Variants in CCDC146 observed in about 807,000 individuals in gnomAD.
CCDC146 encodes coiled-coil domain containing 146.
CCDC146 carries 92 observed loss-of-function variants against 119.3 expected under a neutral mutation model. That is an observed-to-expected ratio of 0.77 (90% CI 0.65 to 0.92). The LOEUF (loss-of-function observed/expected upper bound fraction) is 0.92, where lower values mean the gene tolerates loss of function less well. Among genes scored for constraint, CCDC146 ranks in the 40% least tolerant of loss-of-function variants. CCDC146 has a pLI of 0.00. For missense variants in CCDC146, 1,000 were observed against 1,103.0 expected (o/e 0.91, Z 1.32); for synonymous variants, 372 against 371.8 (o/e 1.00, Z -0.01).
intron 2 of CCDC146, among the ~76,000 whole-genome samples, chr7:77,168,339 C>A (rs1219586312): frequency 1.3e-5 from 2 of 151,330 alleles, no homozygotes; most frequent in East Asian, 3.9e-4. Flanking sequence ...TAGGAAATAC[C>A]CATATATGAG....
chr7:77,182,304 G>A (rs914352395), intron 2 of CCDC146, among the ~76,000 whole-genome samples: 31 of 152,170 alleles, frequency 2.0e-4, no homozygotes, highest in Non-Finnish European at 2.9e-5. Context: ...AGCTTTGTAT[G>A]TTCTAGCTGT....
chr7:77,273,052 A>G (rs990475728), intron 9 of CCDC146, among the ~76,000 whole-genome samples: 3 of 152,228 alleles, frequency 2.0e-5, no homozygotes, highest in Admixed American at 1.3e-4. Flanking sequence ...TAGTCATAGT[A>G]TATTCATGTC....
Position 77,228,280 on chromosome 7 carries a change from G to A in CCDC146, c.157-8667G>A, listed in dbSNP as rs547519393. Among the ~76,000 whole-genome samples the A allele has an allele frequency of 3.3e-5, 5 of 152,272 alleles. No homozygotes were observed. In the East Asian group the frequency reaches 9.6e-4, roughly 29 times the overall value. ...CAGGTATTAAGCCTAGTACCTATTA[G>A]TAGTTTTTCCTGATCCTCTCCCTTC... is the stretch of plus-strand genomic sequence containing the variant. On this transcript the variant is annotated intron_variant, in intron 2 of 18. Coordinates refer to ENST00000285871, the MANE Select transcript of CCDC146 (RefSeq NM_020879.3).
At chr7:77,212,490 G>A (rs967178000) in intron 2 of CCDC146, among the ~76,000 whole-genome samples, 4 of 151,782 alleles carry the variant, frequency 2.6e-5, no homozygotes, top group East Asian at 1.9e-4. Flanking sequence ...GTGTGGTGGC[G>A]TGCACCTGTA....
At position 77,209,590 on chromosome 7, in the gene CCDC146, T is replaced by G. The variant is rs144935677; in HGVS notation, c.157-27357T>G. ...ACAGCTCCACTAGGCAGTGCTCCAG[T>G]GGGGACTCTGTGTGGAGGTTCCAAC... On this transcript the variant is annotated intron_variant, in intron 2 of 18. Coordinates refer to ENST00000285871, the MANE Select transcript of CCDC146 (RefSeq NM_020879.3). Among the ~76,000 whole-genome samples, 23 of 152,312 alleles carry G rather than the reference T, an allele frequency of 1.5e-4. No homozygotes were observed. In the East Asian group the frequency reaches 4.4e-3, roughly 29 times the overall value.
In CCDC146 at chr7:77,293,104, A is replaced by G; in HGVS notation, c.2568A>G (p.Glu856=). The change falls in exon 18 of 19, where the codon GAA becomes GAG. Residue 856 remains glutamate, a synonymous_variant. Transcript: ENST00000285871. The part of the protein sequence containing the change: ...DFIFTCNSRI[E]KGLPLNKEIE... ...TCTTCACTTGCAATTCCAGGATAGA[A>G]AAAGGTCTGCCACTCAATAAGGAAA... 6.2e-7 allele frequency: 1 copy of G among 1,614,206 alleles called. No homozygotes were observed. The highest frequency in any genetic ancestry group is 1.1e-5 in the South Asian group (1 of 91,084).
chr7:77,172,917 G>C (rs1408917678), intron 2 of CCDC146, among the ~76,000 whole-genome samples: 1 of 152,072 alleles, frequency 6.6e-6, no homozygotes, highest in Non-Finnish European at 1.5e-5. Flanking sequence ...CAAATCTCTT[G>C]TCCTTCAGGG....
intron 4 of CCDC146, among the ~76,000 whole-genome samples, chr7:77,254,105 T>G (rs1373749065): frequency 6.6e-6 from 1 of 152,168 alleles, no homozygotes; most frequent in Non-Finnish European, 1.5e-5. Flanking sequence ...GAATTGACTT[T>G]AATGGGCAAA....
At chr7:77,230,085 A>G (rs1792594746) in intron 2 of CCDC146, among the ~76,000 whole-genome samples, 1 of 152,210 alleles carries the variant, frequency 6.6e-6, no homozygotes, top group African/African-American at 2.4e-5. Flanking sequence ...CACTTAGTGT[A>G]TAGATTTCAA....
chr7:77,150,607 A>C (rs1791096022), intron 1 of CCDC146, among the ~76,000 whole-genome samples: 1 of 152,218 alleles, frequency 6.6e-6, no homozygotes, highest in South Asian at 2.1e-4. Flanking sequence ...CGTTATTGGT[A>C]GGAATATAAA....
intron 13 of CCDC146, among the ~76,000 whole-genome samples, 161 bp downstream of exon 13, chr7:77,279,262 T>C (rs1478439999): frequency 6.7e-6 from 1 of 149,596 alleles, no homozygotes; most frequent in Non-Finnish European, 1.5e-5. Context: ...AGACCCTGTC[T>C]CAAAAAAATA....
intron 2 of CCDC146, among the ~76,000 whole-genome samples, chr7:77,214,867 A>G (rs1792267214): frequency 1.3e-5 from 2 of 152,176 alleles, no homozygotes; most frequent in South Asian, 2.1e-4. Flanking sequence ...ACAAAATGGG[A>G]TGCCTCTTGG....
chr7:77,292,289 G>A (rs748436962), intron 17 of CCDC146, among the ~76,000 whole-genome samples: 11 of 133,666 alleles, frequency 8.2e-5, no homozygotes, highest in Non-Finnish European at 1.4e-4. Context: ...ACAAGACCTT[G>A]TCTTTATTTT....
intron 2 of CCDC146, among the ~76,000 whole-genome samples, chr7:77,188,648 A>G (rs996053980): frequency 3.3e-5 from 5 of 152,294 alleles, no homozygotes; most frequent in Middle Eastern, 3.4e-3. Context: ...GGCTTCAATC[A>G]GTCATTACCC....
chr7:77,280,849 C>A (rs929266494), intron 14 of CCDC146, among the ~76,000 whole-genome samples, 196 bp downstream of exon 14: 4 of 152,184 alleles, frequency 2.6e-5, no homozygotes, highest in African/African-American at 9.7e-5. Flanking sequence ...GTGGCATGAT[C>A]CCAGCACTTT....
chr7:77,268,047 A>G (rs1584128814), intron 9 of CCDC146, among the ~76,000 whole-genome samples: 1 of 152,166 alleles, frequency 6.6e-6, no homozygotes, highest in East Asian at 1.9e-4. Flanking sequence ...GACTTACAGG[A>G]TATGTGTCAT....
chr7:77,244,728 A>G (rs1005309231), intron 4 of CCDC146, among the ~76,000 whole-genome samples: 2 of 152,202 alleles, frequency 1.3e-5, no homozygotes, highest in African/African-American at 4.8e-5. Context: ...CTCTCAGAAT[A>G]TATTCCCATT....
intron 9 of CCDC146, among the ~76,000 whole-genome samples, chr7:77,263,927 CA>C (rs1793351558): frequency 6.6e-6 from 1 of 151,596 alleles, no homozygotes; most frequent in East Asian, 1.9e-4. Context: ...CCATCTCAAA[CA>C]AAAAAAGGAA....
intron 2 of CCDC146, among the ~76,000 whole-genome samples, chr7:77,177,195 A>G (rs1791513476): frequency 1.3e-5 from 2 of 152,100 alleles, no homozygotes; most frequent in Non-Finnish European, 2.9e-5. Flanking sequence ...CTAAAGCTTC[A>G]TTTATTTTGT....
Sources: allele counts gnomAD v4.1 joint callset (sites outside exome capture counted in the v4.1 genomes callset), GRCh38; gene constraint gnomAD v4.1.1; transcripts MANE v1.5; gene names NCBI Gene and HGNC (gene_info 2026-07-23, HGNC 2026-07-21).